Variants in DYSF observed in about 807,000 individuals in gnomAD.
DYSF encodes the protein dystrophy-associated fer-1-like 1.
A neutral mutation model predicts 274.9 loss-of-function variants in DYSF; 212 were observed. The ratio of observed to expected loss-of-function variants is 0.77; its 90% CI spans 0.69 to 0.86. DYSF has a LOEUF of 0.86. Ranked by LOEUF, DYSF falls within the 40% of genes least tolerant of loss-of-function variation. The pLI, the probability that DYSF is intolerant of heterozygous loss-of-function variation, is 0.00. For synonymous variants in DYSF, 1,091 were observed against 1,078.7 expected (o/e 1.01, Z -0.22); for missense variants, 2,666 against 2,783.2 (o/e 0.96, Z 0.95).
intron 32 of DYSF, among the ~76,000 whole-genome samples, chr2:71,597,045 G>A (rs546877934): frequency 6.6e-6 from 1 of 152,304 alleles, no homozygotes; most frequent in South Asian, 2.1e-4. Context: ...CACCTGTGCA[G>A]TGGCCATGGT....
chr2:71,470,735 T>TC (rs2081960477), intron 1 of DYSF, among the ~76,000 whole-genome samples: 1 of 120,244 alleles, frequency 8.3e-6, no homozygotes, highest in Non-Finnish European at 1.7e-5. Context: ...CTTCCTTCCT[T>TC]CTTTCCTTCC....
chr2:71,633,820 GGA>G (rs2152912895), intron 41 of DYSF, among the ~76,000 whole-genome samples: 1 of 152,192 alleles, frequency 6.6e-6, no homozygotes, highest in African/African-American at 2.4e-5. Context: ...GTCATCCTGG[GGA>G]GAGAAAACAA....
Position 71,513,719 on chromosome 2 carries a change from CAGG to C in DYSF, c.563_565del (p.Gly188del). On this transcript the variant is annotated inframe_deletion, in exon 7 of 56. Coordinates refer to ENST00000410020, the MANE Select transcript of DYSF (RefSeq NM_001130987.2). ...CATTAGGGCCCTCTCCTCTTAGACACAGGAGGAGAGGAAGACACAGAGGACCAG... is the reference window on the plus strand; with the variant it reads ...CATTAGGGCCCTCTCCTCTTAGACACAGGAGAGGAAGACACAGAGGACCAG... The C allele has an allele frequency of 6.2e-7, 1 of 1,613,798 alleles. No individual in the cohort carries two copies. The highest frequency in any genetic ancestry group is 8.5e-7 in the Non-Finnish European group (1 of 1,179,864).
At chr2:71,580,732 A>G (rs539921946) in intron 30 of DYSF, among the ~76,000 whole-genome samples, 20 of 152,208 alleles carry the variant, frequency 1.3e-4, no homozygotes, top group Non-Finnish European at 2.8e-4. Flanking sequence ...TGAGGGCTGG[A>G]TCTCCTCTCA....
rs1214415346 is a variant in DYSF at position 71,610,711 on chromosome 2, G to T, written c.3958-534G>T. ...CAATGCAAGTATTCTGTCCTCACAG[G>T]GGACAGGCGTGAGAGGTGGGGGTTT... On this transcript the variant is annotated intron_variant, in intron 36 of 55. Transcript: ENST00000410020. 3 of 190,170 alleles carry T rather than the reference G, an allele frequency of 1.6e-5. No homozygotes were observed. In the Admixed American group the frequency reaches 1.6e-4, roughly 10 times the overall value. 11.8% of individuals were successfully genotyped at this position (190,170 alleles called of 1,614,324 possible).
chr2:71,683,854 C>T lies in DYSF; in HGVS notation c.6321+1177C>T, dbSNP rs376192389. 9.8e-5 allele frequency among the ~76,000 whole-genome samples: 15 copies of T among 152,384 alleles called. No homozygotes were observed. In the East Asian group the frequency reaches 2.3e-3, roughly 24 times the overall value. On this transcript the variant is annotated intron_variant, in intron 55 of 55. Coordinates refer to ENST00000410020, the MANE Select transcript of DYSF (RefSeq NM_001130987.2). Reference sequence around the variant, plus strand: ...CAAGAGCCCCTCCATCCCACTGCAGCTGGCTATGCCCATGTCTGCAGAATG... The same window carrying T: ...CAAGAGCCCCTCCATCCCACTGCAGTTGGCTATGCCCATGTCTGCAGAATG...
chr2:71,527,822 A>T (rs887930697), intron 13 of DYSF, among the ~76,000 whole-genome samples: 4 of 152,174 alleles, frequency 2.6e-5, no homozygotes, highest in Non-Finnish European at 5.9e-5. Context: ...TTCAAAAAAT[A>T]ATGGTTTGGG....
intron 41 of DYSF, among the ~76,000 whole-genome samples, chr2:71,630,798 A>C (rs903142134): frequency 6.6e-6 from 1 of 152,220 alleles, no homozygotes; most frequent in African/African-American, 2.4e-5. Flanking sequence ...CTCTCCCCTG[A>C]TGGTGCTGGT....
At chr2:71,501,745 G>A (rs2084990416) in intron 3 of DYSF, among the ~76,000 whole-genome samples, 2 of 152,164 alleles carry the variant, frequency 1.3e-5, no homozygotes, top group Admixed American at 1.3e-4. Context: ...CTTCTTTTTT[G>A]AGACTGAATA....
chr2:71,465,861 T>C (rs1276870752), upstream of DYSF, among the ~76,000 whole-genome samples: 2 of 152,156 alleles, frequency 1.3e-5, no homozygotes, highest in Non-Finnish European at 2.9e-5. Flanking sequence ...GAAACGACTG[T>C]CACCGTTCAT....
chr2:71,552,379 C>T (rs191048597), intron 19 of DYSF, among the ~76,000 whole-genome samples: 60 of 152,358 alleles, frequency 3.9e-4, no homozygotes, highest in East Asian at 3.3e-3. Flanking sequence ...AATTAATACA[C>T]ATATGCAGTA....
intron 20 of DYSF, among the ~76,000 whole-genome samples, 196 bp from the exon 21 acceptor site, chr2:71,553,611 A>G (rs1212781192): frequency 6.6e-6 from 1 of 152,186 alleles, no homozygotes; most frequent in Non-Finnish European, 1.5e-5. Flanking sequence ...GAACACGGGT[A>G]CGGGCCACTC....
At chr2:71,502,438 G>A (rs1272343544) in intron 3 of DYSF, among the ~76,000 whole-genome samples, 4 of 152,050 alleles carry the variant, frequency 2.6e-5, no homozygotes, top group East Asian at 1.9e-4. Flanking sequence ...GACACCAGGC[G>A]ACAGGTTCCT....
chr2:71,662,385 G>C (rs946376505), intron 45 of DYSF, among the ~76,000 whole-genome samples: 2 of 152,150 alleles, frequency 1.3e-5, no homozygotes, highest in African/African-American at 4.8e-5. Context: ...ATGGCTCTAG[G>C]GGAGTGTGTC....
intron 30 of DYSF, among the ~76,000 whole-genome samples, chr2:71,579,731 A>G (rs1483951913): frequency 6.6e-6 from 1 of 152,176 alleles, no homozygotes; most frequent in Non-Finnish European, 1.5e-5. Context: ...TGGCTACTTA[A>G]GTTTACAGTT....
At chr2:71,606,016 T>C (rs183828364) in intron 36 of DYSF, among the ~76,000 whole-genome samples, 33 of 151,990 alleles carry the variant, frequency 2.2e-4, no homozygotes, top group Non-Finnish European at 3.1e-4. Context: ...CTGGGTGAGG[T>C]GAGGGTCCAT....
intron 36 of DYSF, chr2:71,611,042 T>C (rs2152874430): frequency 1.6e-6 from 1 of 621,586 alleles, no homozygotes; most frequent in East Asian, 2.9e-5. Flanking sequence ...GGTGCTGGAA[T>C]TGTGATCCTG....
At chr2:71,665,414 CAG>C in intron 47 of DYSF, 110 bp downstream of exon 47, 1 of 1,413,992 alleles carries the variant, frequency 7.1e-7, no homozygotes, top group Non-Finnish European at 9.9e-7. Flanking sequence ...CCCACAGCAG[CAG>C]GCTGTGGGTC....
chr2:71,633,668 G>C (rs1375287942), intron 41 of DYSF, among the ~76,000 whole-genome samples: 2 of 152,094 alleles, frequency 1.3e-5, no homozygotes, highest in African/African-American at 2.4e-5. Context: ...GGCATGAAGG[G>C]CTACTTAAAA....
Sources: allele counts gnomAD v4.1 joint callset (sites outside exome capture counted in the v4.1 genomes callset), GRCh38; gene constraint gnomAD v4.1.1; transcripts MANE v1.5; gene names NCBI Gene and HGNC (gene_info 2026-07-23, HGNC 2026-07-21).